Variants in GNL3L observed in about 807,000 individuals in gnomAD.
The protein encoded by GNL3L is guanine nucleotide-binding protein-like 3-like protein.
GNL3L carries 4 observed loss-of-function variants against 42.9 expected under a neutral mutation model. The observed-to-expected ratio is 0.09, with a 90% CI of 0.05 to 0.21. The LOEUF is 0.21. GNL3L is among the 10% of genes least tolerant of loss of function. The probability of loss-of-function intolerance (pLI) is 1.00; values close to 1 mark genes in which losing one functional copy is unlikely to be tolerated. For missense variants in GNL3L, 412 were observed against 481.7 expected (o/e 0.86, Z 1.36); for synonymous variants, 159 against 176.3 (o/e 0.90, Z 0.78).
chrX:54,554,643 C>T lies in GNL3L; in HGVS notation c.1397C>T (p.Pro466Leu). 8.3e-7 allele frequency: 1 copy of T among 1,204,846 alleles called. No individual in the cohort carries two copies. Among genetic ancestry groups the T allele is most frequent in the Non-Finnish European group, 1.1e-6 (1 of 889,564 alleles). The change falls in exon 14 of 16, where the codon CCG (proline) becomes CTG (leucine). Residue 466 changes from proline (P) to leucine (L), a missense_variant. Pro to Leu is a moderately conservative substitution (Grantham distance 98, BLOSUM62 -3). Coordinates refer to ENST00000360845, the MANE Select transcript of GNL3L (RefSeq NM_001184819.2). ...ATGGAGATCAAGTTGCTCCATTCTC[C>T]GATGACGAAAATAGCAGATGCCATT... Reference protein sequence around the residue: ...LEMEIKLLHSPMTKIADAIEN... With the variant: ...LEMEIKLLHSLMTKIADAIEN...
At chrX:54,581,085 CTT>C (rs1925708451) in intron 16 of GNL3L, among the ~76,000 whole-genome samples, 1 of 111,502 alleles carries the variant, frequency 9.0e-6, no homozygotes, top group Non-Finnish European at 1.9e-5. Flanking sequence ...CTGGCCTAAA[CTT>C]TTAATTTTTA....
chrX:54,551,677 G>T lies in GNL3L; in HGVS notation c.973G>T (p.Val325Leu). ...CACCATCCTGCGTAACTGCGTCCAC[G>T]TGCAGAAGCTGGCAGACCCTGTGAC... ...VGTILRNCVHVQKLADPVTPV... is the reference protein window; with the variant it reads ...VGTILRNCVHLQKLADPVTPV... The change falls in exon 11 of 16, where the codon GTG (valine) becomes TTG (leucine). Residue 325 changes from valine (V) to leucine (L), a missense_variant. Val to Leu is a conservative substitution (Grantham distance 32). Transcript: ENST00000360845. The T allele has an allele frequency of 2.5e-6, 3 of 1,211,246 alleles. No homozygotes were observed. The highest frequency in any genetic ancestry group is 3.4e-6 in the Non-Finnish European group (3 of 895,027).
intron 9 of GNL3L, among the ~76,000 whole-genome samples, chrX:54,550,136 TAGAG>T (rs890238721): frequency 2.8e-5 from 3 of 105,323 alleles, no homozygotes; most frequent in South Asian, 4.3e-4. Flanking sequence ...AAAGATAAGA[TAGAG>T]AAAGAGACTG....
chrX:54,594,681 G>T (rs779009239), intron 16 of GNL3L, among the ~76,000 whole-genome samples: 1 of 110,121 alleles, frequency 9.1e-6, no homozygotes, highest in Non-Finnish European at 1.9e-5. Flanking sequence ...GTTTTGTGGT[G>T]TTCTTTCCTT....
intron 16 of GNL3L, among the ~76,000 whole-genome samples, chrX:54,604,842 G>A (rs1926041837): frequency 8.9e-6 from 1 of 111,867 alleles, no homozygotes; most frequent in African/African-American, 3.3e-5. Context: ...ATTAATAATA[G>A]CTCCAACCTA....
chrX:54,534,937 C>T (rs939545768), intron 2 of GNL3L, among the ~76,000 whole-genome samples: 4 of 111,413 alleles, frequency 3.6e-5, no homozygotes, highest in African/African-American at 9.8e-5. Flanking sequence ...AGTGAAATGT[C>T]CAGACCTGGT....
exon 17 of GNL3L, among the ~76,000 whole-genome samples, chrX:54,621,494 C>A: frequency 8.9e-6 from 1 of 112,059 alleles, no homozygotes; most frequent in East Asian, 2.8e-4. Context: ...AGAACATTTT[C>A]CAGCTGAGCC....
chrX:54,544,469 A>C, intron 8 of GNL3L, 143 bp downstream of exon 8: 1 of 365,256 alleles, frequency 2.7e-6, no homozygotes, highest in South Asian at 4.8e-5. Flanking sequence ...CCACCGAGTG[A>C]CTTTTTTTTT....
At chrX:54,545,759 C>A (rs1924754259) in intron 8 of GNL3L, among the ~76,000 whole-genome samples, 1 of 111,346 alleles carries the variant, frequency 9.0e-6, no homozygotes. Flanking sequence ...GCTTAAATAC[C>A]CTTTCACCAG....
chrX:54,605,523 G>A (rs1313958039), intron 16 of GNL3L, among the ~76,000 whole-genome samples: 1 of 111,350 alleles, frequency 9.0e-6, no homozygotes, highest in African/African-American at 3.3e-5. Context: ...TACAGCTCCG[G>A]TCTCAATCTT....
chrX:54,560,457 G>T, intron 15 of GNL3L, 63 bp from the exon 16 acceptor site: 1 of 681,177 alleles, frequency 1.5e-6, no homozygotes, highest in Non-Finnish European at 2.4e-6. Context: ...GTAGGCCAGC[G>T]TCAGCAGGCC....
chrX:54,548,420 G>A (rs767107257), intron 9 of GNL3L, 47 bp downstream of exon 9: 73 of 1,050,508 alleles, frequency 6.9e-5, no homozygotes, highest in South Asian at 8.0e-5. Context: ...TTTCTTGAGC[G>A]GACACTTCGC....
intron 16 of GNL3L, among the ~76,000 whole-genome samples, chrX:54,604,066 A>C (rs1041602721): frequency 5.4e-5 from 6 of 110,906 alleles, no homozygotes; most frequent in Non-Finnish European, 1.1e-4. Context: ...GAGCCTGGGG[A>C]GGTCGAGGCT....
chrX:54,551,983 G>A lies in GNL3L; in HGVS notation c.1181+9G>A, dbSNP rs1395314691. 8.3e-7 allele frequency: 1 copy of A among 1,207,977 alleles called. No individual in the cohort carries two copies. On this transcript the variant is annotated intron_variant, in intron 12 of 15. Coordinates refer to ENST00000360845, the MANE Select transcript of GNL3L (RefSeq NM_001184819.2). The stretch of plus-strand genomic sequence containing the variant: ...CTAGCTGACTGGGTGAGGTGAGGAG[G>A]GGGTTAGGGGTAAGGGTGAGGCCCG...
intron 16 of GNL3L, among the ~76,000 whole-genome samples, chrX:54,588,267 A>G (rs1446399535): frequency 8.9e-6 from 1 of 112,036 alleles, no homozygotes; most frequent in African/African-American, 3.2e-5. Context: ...TGGTATGAGA[A>G]GACATCTTTG....
At position 54,613,796 on chromosome X, in the gene GNL3L, G is replaced by C. The variant is rs747744371; in HGVS notation, c.*46-7049G>C. Among the ~76,000 whole-genome samples the C allele has an allele frequency of 2.7e-5, 3 of 110,834 alleles. No homozygotes were observed. In the South Asian group the frequency reaches 1.2e-3, roughly 43 times the overall value. ...GGGTCTCTCAGCTGTGTATACCAGCGCCTGTTCCTGTGGAGGTGGCAGGGG... is the reference window on the plus strand; with the variant it reads ...GGGTCTCTCAGCTGTGTATACCAGCCCCTGTTCCTGTGGAGGTGGCAGGGG... On this transcript the variant is annotated intron_variant, in intron 16 of 16. Transcript: ENST00000674498.
At chrX:54,535,303 G>C (rs1924386571) in intron 2 of GNL3L, among the ~76,000 whole-genome samples, 1 of 110,709 alleles carries the variant, frequency 9.0e-6, no homozygotes, top group Admixed American at 9.7e-5. Flanking sequence ...ATTTTTAGTG[G>C]AGACAGGGTT....
chrX:54,542,446 C>T (rs1418119865), intron 5 of GNL3L, among the ~76,000 whole-genome samples: 1 of 111,148 alleles, frequency 9.0e-6, no homozygotes, highest in Non-Finnish European at 1.9e-5. Flanking sequence ...TTTATGGCTG[C>T]ATAGTATTCC....
intron 16 of GNL3L, among the ~76,000 whole-genome samples, chrX:54,582,592 T>C (rs144203337): frequency 1.3e-3 from 147 of 112,367 alleles, no homozygotes; most frequent in Non-Finnish European, 2.3e-3. Context: ...ATTTCTTTTT[T>C]ATTTTTTTGA....
Sources: gnomAD v4.1 joint callset for allele counts (sites outside exome capture counted in the v4.1 genomes callset) on GRCh38, gnomAD v4.1.1 for gene constraint, MANE v1.5 for transcripts, NCBI Gene and HGNC (gene_info 2026-07-23, HGNC 2026-07-21) for gene names.